SLC71A2: variants seen among roughly 807,000 people sequenced by gnomAD.
SLC71A2 encodes solute carrier family 71 member 2.
the SLC71A2 span, among the ~76,000 whole-genome samples, chr9:94,421,157 T>C: frequency 6.8e-6 from 1 of 147,246 alleles, no homozygotes; most frequent in South Asian, 2.2e-4. Flanking sequence ...GAGGAAAATA[T>C]GATTCTATAG....
At chr9:94,420,892 CTG>C in the SLC71A2 span, among the ~76,000 whole-genome samples, 2 of 151,866 alleles carry the variant, frequency 1.3e-5, no homozygotes, top group African/African-American at 4.8e-5. Flanking sequence ...GAGTGAGACT[CTG>C]TCTCAAAAAA....
At chr9:94,459,391 G>T in the SLC71A2 span, 1 of 1,613,700 alleles carries the variant, frequency 6.2e-7, no homozygotes, top group African/African-American at 1.3e-5. Context: ...AGGAGCCTGG[G>T]AATCAGTGCA....
chr9:94,457,153 A>C, the SLC71A2 span, among the ~76,000 whole-genome samples: 1 of 151,976 alleles, frequency 6.6e-6, no homozygotes, highest in Admixed American at 6.6e-5. Flanking sequence ...TTTAGTGGAG[A>C]TGGGGTTTCG....
chr9:94,430,014 C>A, the SLC71A2 span, among the ~76,000 whole-genome samples: 1 of 149,252 alleles, frequency 6.7e-6, no homozygotes, highest in Admixed American at 6.7e-5. Context: ...TCAAGCAATT[C>A]TCCTGCCTCA....
chr9:94,419,669 G>A, the SLC71A2 span, among the ~76,000 whole-genome samples: 3 of 151,890 alleles, frequency 2.0e-5, no homozygotes, highest in African/African-American at 4.8e-5. Context: ...ACTCCTCCTC[G>A]CCTCAGACAG....
the SLC71A2 span, among the ~76,000 whole-genome samples, chr9:94,424,980 T>G: frequency 6.6e-6 from 1 of 151,522 alleles, no homozygotes; most frequent in African/African-American, 2.4e-5. Context: ...AGTGAGTATG[T>G]TGTGGAGAAA....
At chr9:94,383,459 T>C in the SLC71A2 span, among the ~76,000 whole-genome samples, 3 of 152,130 alleles carry the variant, frequency 2.0e-5, no homozygotes, top group Non-Finnish European at 4.4e-5. Flanking sequence ...CCATGCCTGG[T>C]CTACTTTTGC....
At chr9:94,457,890 G>T in the SLC71A2 span, among the ~76,000 whole-genome samples, 3 of 152,158 alleles carry the variant, frequency 2.0e-5, no homozygotes, top group African/African-American at 7.2e-5. Flanking sequence ...GGGTTTTTCA[G>T]TGTAGGTCTC....
At chr9:94,457,396 CT>C in the SLC71A2 span, among the ~76,000 whole-genome samples, 2 of 151,382 alleles carry the variant, frequency 1.3e-5, no homozygotes, top group Non-Finnish European at 2.9e-5. Context: ...CCTAAGAGCC[CT>C]TTTTTTTAAA....
the SLC71A2 span, among the ~76,000 whole-genome samples, chr9:94,418,752 TA>T: frequency 2.7e-5 from 4 of 145,704 alleles, no homozygotes. Flanking sequence ...TACTTTCCTT[TA>T]ATTCTTTTTT....
chr9:94,420,365 G>GC, the SLC71A2 span, among the ~76,000 whole-genome samples: 2 of 152,156 alleles, frequency 1.3e-5, no homozygotes, highest in Non-Finnish European at 2.9e-5. Flanking sequence ...TGGGGGAGGG[G>GC]CAGGAGTCTG....
At chr9:94,433,950 A>G in the SLC71A2 span, among the ~76,000 whole-genome samples, 1 of 152,350 alleles carries the variant, frequency 6.6e-6, no homozygotes, top group Admixed American at 6.5e-5. Flanking sequence ...TTCTACTTCC[A>G]TAAATACATT....
chr9:94,413,072 C>T, the SLC71A2 span, among the ~76,000 whole-genome samples: 11 of 151,910 alleles, frequency 7.2e-5, no homozygotes, highest in African/African-American at 2.7e-4. Flanking sequence ...AATTGAGGGA[C>T]ACTCTATAAA....
At chr9:94,388,054 G>A in the SLC71A2 span, among the ~76,000 whole-genome samples, 37 of 152,248 alleles carry the variant, frequency 2.4e-4, no homozygotes, top group Middle Eastern at 3.4e-3. Context: ...TCTTTTGCAC[G>A]TAATGTAGAA....
chr9:94,456,812 A>G, the SLC71A2 span, among the ~76,000 whole-genome samples: 1 of 152,202 alleles, frequency 6.6e-6, no homozygotes, highest in Non-Finnish European at 1.5e-5. Context: ...ATAGATGTTG[A>G]GTGAGAGATG....
the SLC71A2 span, among the ~76,000 whole-genome samples, chr9:94,439,037 T>TTTTTTTTTC: frequency 7.4e-6 from 1 of 134,610 alleles, no homozygotes; most frequent in African/African-American, 2.7e-5. Context: ...TTTTTTTTTT[T>TTTTTTTTTC]TGGAGACGGA....
At chr9:94,460,669 G>A in the SLC71A2 span, 2 of 128,228 alleles carry the variant, frequency 1.6e-5, no homozygotes, top group Admixed American at 1.8e-4. Context: ...GTAGATATTT[G>A]TAAAGGGTTT....
the SLC71A2 span, among the ~76,000 whole-genome samples, chr9:94,385,965 T>A: frequency 6.6e-6 from 1 of 152,194 alleles, no homozygotes; most frequent in African/African-American, 2.4e-5. Context: ...CGTGGCTCAC[T>A]GTAATCTTAA....
At chr9:94,403,920 G>A in the SLC71A2 span, among the ~76,000 whole-genome samples, 5 of 152,186 alleles carry the variant, frequency 3.3e-5, no homozygotes, top group Admixed American at 3.3e-4. Context: ...TCCCAGTGCA[G>A]GAGTATTGCG....
Sources: allele counts gnomAD v4.1 joint callset (sites outside exome capture counted in the v4.1 genomes callset), GRCh38; gene constraint gnomAD v4.1.1; transcripts MANE v1.5; gene names NCBI Gene and HGNC (gene_info 2026-07-23, HGNC 2026-07-21).